The following MACROD2 variants were observed in gnomAD, a reference collection of about 807,000 sequenced individuals.
The protein encoded by MACROD2 is mono-ADP ribosylhydrolase 2, also known as ADP-ribose glycohydrolase MACROD2.
A neutral mutation model predicts 70.4 loss-of-function variants in MACROD2; 36 were observed. That is an observed-to-expected ratio of 0.51 (90% CI 0.39 to 0.68). MACROD2 has a LOEUF of 0.68. Among genes scored for constraint, MACROD2 ranks in the 30% least tolerant of loss-of-function variants. The probability of loss-of-function intolerance (pLI) is 0.00; values close to 1 mark genes in which losing one functional copy is unlikely to be tolerated. For synonymous variants in MACROD2, 172 were observed against 178.8 expected, an observed-to-expected ratio of 0.96 and a Z score of 0.30; for missense variants, 496 against 538.4, an observed-to-expected ratio of 0.92 and a Z score of 0.78.
intron 8 of MACROD2, among the ~76,000 whole-genome samples, chr20:15,839,166 A>G (rs2064145046): frequency 6.6e-6 from 1 of 152,162 alleles, no homozygotes. Context: ...GGCTCCTTAC[A>G]ATATATCTCT....
intron 6 of MACROD2, among the ~76,000 whole-genome samples, chr20:15,328,443 A>G (rs6079753): frequency 0.23 from 35,242 of 152,028 alleles, 4,945 homozygotes; most frequent in African/African-American, 0.4. Flanking sequence ...TTTTCAAATG[A>G]ATCCTTCTGG....
chr20:15,032,328 C>G (rs2075281957), intron 5 of MACROD2, among the ~76,000 whole-genome samples: 1 of 152,250 alleles, frequency 6.6e-6, no homozygotes, highest in Admixed American at 6.5e-5. Flanking sequence ...CTCCTGGCCC[C>G]CGTCGGCTCC....
intron 5 of MACROD2, among the ~76,000 whole-genome samples, chr20:15,111,519 T>C (rs2075955518): frequency 6.6e-6 from 1 of 152,208 alleles, no homozygotes; most frequent in East Asian, 1.9e-4. Context: ...TTAAAACTTA[T>C]TTAAAAGTTC....
At chr20:14,840,450 T>C (rs1836506308) in intron 5 of MACROD2, among the ~76,000 whole-genome samples, 1 of 152,114 alleles carries the variant, frequency 6.6e-6, no homozygotes, top group South Asian at 2.1e-4. Flanking sequence ...TTGCCCAGGC[T>C]GGTCTTGGGC....
intron 5 of MACROD2, among the ~76,000 whole-genome samples, chr20:14,904,537 TA>T (rs2073935775): frequency 6.6e-6 from 1 of 152,120 alleles, no homozygotes; most frequent in Non-Finnish European, 1.5e-5. Context: ...TGTATATAAC[TA>T]AAAAAATTTC....
intron 3 of MACROD2, among the ~76,000 whole-genome samples, chr20:14,441,047 A>G (rs377176215): frequency 1.1e-4 from 17 of 152,200 alleles, no homozygotes; most frequent in African/African-American, 4.1e-4. Context: ...ATTACGGGAA[A>G]TTCTGCCTAG....
At chr20:14,900,603 G>A (rs1355453215) in intron 5 of MACROD2, among the ~76,000 whole-genome samples, 1 of 151,774 alleles carries the variant, frequency 6.6e-6, no homozygotes, top group Admixed American at 6.6e-5. Context: ...TCTACAATTA[G>A]TTATAGTATT....
intron 15 of MACROD2, among the ~76,000 whole-genome samples, chr20:16,000,011 A>G (rs185569605): frequency 1.2e-4 from 19 of 152,354 alleles, no homozygotes; most frequent in Admixed American, 3.9e-4. Flanking sequence ...TACAGACTAA[A>G]GTCAGTAAGA....
chr20:14,088,677 G>C (rs955221146), intron 3 of MACROD2, among the ~76,000 whole-genome samples: 2 of 152,062 alleles, frequency 1.3e-5, no homozygotes, highest in Non-Finnish European at 2.9e-5. Context: ...CAGTAATAAT[G>C]GTCTTTGTTG....
intron 6 of MACROD2, among the ~76,000 whole-genome samples, chr20:15,317,223 A>C (rs2077820640): frequency 6.6e-6 from 1 of 152,076 alleles, no homozygotes; most frequent in South Asian, 2.1e-4. Flanking sequence ...AGATAAATGA[A>C]ATAGAGGATA....
intron 5 of MACROD2, among the ~76,000 whole-genome samples, chr20:14,985,718 G>A (rs2074842423): frequency 7.0e-6 from 1 of 143,020 alleles, no homozygotes; most frequent in Admixed American, 6.9e-5. Flanking sequence ...TGATAAATGA[G>A]TTTAGTTCTT....
At chr20:14,172,095 CTT>C (rs1378136003) in intron 3 of MACROD2, among the ~76,000 whole-genome samples, 2 of 152,176 alleles carry the variant, frequency 1.3e-5, no homozygotes, top group South Asian at 2.1e-4. Context: ...TAATTTTCCT[CTT>C]TGTCTTTTTA....
At chr20:15,523,714 G>C (rs975803272) in intron 8 of MACROD2, among the ~76,000 whole-genome samples, 1 of 152,172 alleles carries the variant, frequency 6.6e-6, no homozygotes, top group Non-Finnish European at 1.5e-5. Context: ...GAATAGACTG[G>C]GGGGTGAAAA....
chr20:15,311,366 G>A (rs1020334872), intron 6 of MACROD2, among the ~76,000 whole-genome samples: 1 of 152,148 alleles, frequency 6.6e-6, no homozygotes, highest in Non-Finnish European at 1.5e-5. Flanking sequence ...TCATTTGGTA[G>A]AATTGCATGC....
chr20:15,562,802 G>A (rs1371535618), intron 8 of MACROD2, among the ~76,000 whole-genome samples: 1 of 152,148 alleles, frequency 6.6e-6, no homozygotes, highest in Non-Finnish European at 1.5e-5. Context: ...TAAGACCTTT[G>A]AATTGTGTTG....
intron 3 of MACROD2, among the ~76,000 whole-genome samples, chr20:14,307,618 T>C (rs1322912088): frequency 6.6e-6 from 1 of 152,092 alleles, no homozygotes; most frequent in African/African-American, 2.4e-5. Flanking sequence ...AAACTAAGAT[T>C]TTCCAACTTT....
chr20:15,340,130 CTTTTTTTTTTTTTTTTTTT>C (rs869080087), intron 6 of MACROD2, among the ~76,000 whole-genome samples: 2 of 39,288 alleles, frequency 5.1e-5, no homozygotes, highest in African/African-American at 2.2e-4. Flanking sequence ...TTCTTTCTTT[CTTTTTTTTTTTTTTTTTTT>C]TTTTTTTGAG....
intron 6 of MACROD2, among the ~76,000 whole-genome samples, chr20:15,360,568 T>G (rs564226961): frequency 5.8e-4 from 89 of 152,272 alleles, no homozygotes; most frequent in African/African-American, 2.1e-3. Context: ...AAGTTTATCT[T>G]AACTTTTAAT....
In MACROD2 at chr20:15,243,081, G is replaced by T. The variant is rs1358194214; in HGVS notation, c.540+13020G>T. 3.3e-5 allele frequency among the ~76,000 whole-genome samples: 5 copies of T among 152,272 alleles called. No homozygotes were observed. In the East Asian group the frequency reaches 9.7e-4, roughly 29 times the overall value. ...CATTCTGAGACAACCAGTTATTAAT[G>T]CAGGCTGCACCCAGGAACGAATGTG... On this transcript the variant is annotated intron_variant, in intron 6 of 17. Coordinates refer to ENST00000684519, the MANE Select transcript of MACROD2 (RefSeq NM_001351661.2).
Sources: allele counts gnomAD v4.1 joint callset (sites outside exome capture counted in the v4.1 genomes callset), GRCh38; gene constraint gnomAD v4.1.1; transcripts MANE v1.5; gene names NCBI Gene and HGNC (gene_info 2026-07-23, HGNC 2026-07-21).